The following HECW1 variants were observed in gnomAD, a reference collection of about 807,000 sequenced individuals.
The protein encoded by HECW1 is HECT, C2 and WW domain containing E3 ubiquitin protein ligase 1, also known as E3 ubiquitin-protein ligase HECW1.
A neutral mutation model predicts 182.3 loss-of-function variants in HECW1; 61 were observed. The ratio of observed to expected loss-of-function variants is 0.33; its 90% CI spans 0.27 to 0.41. The LOEUF is 0.41. HECW1 is among the 10% of genes least tolerant of loss of function. The pLI is 1.00. For missense variants in HECW1, 1,739 were observed against 2,108.9 expected, an observed-to-expected ratio of 0.82 and a Z score of 3.44; for synonymous variants, 859 against 832.6, an observed-to-expected ratio of 1.03 and a Z score of -0.55.
At chr7:43,521,383 A>C (rs975586769) in intron 24 of HECW1, among the ~76,000 whole-genome samples, 2 of 152,226 alleles carry the variant, frequency 1.3e-5, no homozygotes, top group African/African-American at 4.8e-5. Context: ...CACTCTGTTG[A>C]GAATCACTGT....
At chr7:43,343,465 G>A (rs1327138366) in intron 5 of HECW1, among the ~76,000 whole-genome samples, 2 of 151,592 alleles carry the variant, frequency 1.3e-5, no homozygotes, top group Non-Finnish European at 2.9e-5. Flanking sequence ...CCTGCCCTGT[G>A]TCCAAGTGTT....
At chr7:43,401,275 A>G (rs1261253469) in intron 7 of HECW1, among the ~76,000 whole-genome samples, 4 of 152,220 alleles carry the variant, frequency 2.6e-5, no homozygotes, top group Non-Finnish European at 5.9e-5. Flanking sequence ...CACTACAGAA[A>G]GGGAATCAGT....
chr7:43,255,713 G>A (rs1800499773), intron 3 of HECW1, among the ~76,000 whole-genome samples: 1 of 152,060 alleles, frequency 6.6e-6, no homozygotes, highest in Non-Finnish European at 1.5e-5. Context: ...TGCAGGAGAT[G>A]ACATGATGAG....
At chr7:43,266,942 A>G (rs560619963) in intron 3 of HECW1, among the ~76,000 whole-genome samples, 14 of 152,338 alleles carry the variant, frequency 9.2e-5, no homozygotes, top group African/African-American at 2.9e-4. Context: ...ATTATTCTGT[A>G]TTGATGAAGT....
At chr7:43,205,312 TGAC>T (rs1795360958) in intron 2 of HECW1, among the ~76,000 whole-genome samples, 1 of 152,180 alleles carries the variant, frequency 6.6e-6, no homozygotes. Flanking sequence ...CTCAAACTCC[TGAC>T]GTCATGATCG....
chr7:43,307,777 C>A (rs1378117519), intron 3 of HECW1, among the ~76,000 whole-genome samples: 2 of 150,780 alleles, frequency 1.3e-5, no homozygotes, highest in Non-Finnish European at 2.9e-5. Flanking sequence ...GACATTTGCT[C>A]AAATGTGCTC....
At chr7:43,509,768 C>T (rs1485320323) in intron 24 of HECW1, 2 of 152,258 alleles carry the variant, frequency 1.3e-5, no homozygotes, top group Non-Finnish European at 2.9e-5. Flanking sequence ...TGCATCACCA[C>T]ATGCCTGATT....
At chr7:43,404,098 G>A (rs1303144002) in intron 7 of HECW1, among the ~76,000 whole-genome samples, 1 of 152,208 alleles carries the variant, frequency 6.6e-6, no homozygotes, top group East Asian at 1.9e-4. Flanking sequence ...TTTACTCAAA[G>A]TTACAAATTT....
intron 2 of HECW1, among the ~76,000 whole-genome samples, chr7:43,176,953 C>A (rs75728591): frequency 0.023 from 3,464 of 152,206 alleles, 60 homozygotes; most frequent in Non-Finnish European, 0.033. Context: ...TTCCTGAGAT[C>A]CCTTAGATTA....
chr7:43,322,349 C>T (rs1033366851), intron 5 of HECW1, among the ~76,000 whole-genome samples: 12 of 152,170 alleles, frequency 7.9e-5, no homozygotes, highest in Admixed American at 2.6e-4. Context: ...CGTGAGCCAC[C>T]GCACCTGGCC....
chr7:43,134,614 T>C (rs1025667719), intron 2 of HECW1, among the ~76,000 whole-genome samples: 12 of 151,848 alleles, frequency 7.9e-5, no homozygotes, highest in African/African-American at 2.9e-4. Context: ...CAAGCAATCC[T>C]CCTGCCTCAG....
chr7:43,493,256 A>G, intron 19 of HECW1, 76 bp downstream of exon 19: 1 of 897,416 alleles, frequency 1.1e-6, no homozygotes, highest in Non-Finnish European at 1.8e-6. Context: ...ACCTCTGTGG[A>G]GACAGAGCGG....
At position 43,562,012 on chromosome 7, in the gene HECW1, T is replaced by C. The variant is rs1299959418; in HGVS notation, c.*86T>C. On this transcript the variant is annotated 3_prime_UTR_variant, in exon 30 of 30. Transcript: ENST00000395891. The stretch of plus-strand genomic sequence containing the variant: ...CCCTTTTCCCTTTCCCTTAATCAAC[T>C]CTCCTTTGATTTTGGTATTCCATGA... 10 of 756,686 alleles carry C rather than the reference T, an allele frequency of 1.3e-5. No individual in the cohort carries two copies. The highest frequency in any genetic ancestry group is 2.3e-6 in the Non-Finnish European group (1 of 441,176). The allele number at this position is 756,686 out of a possible 1,614,324, so 46.9% of individuals were successfully genotyped here.
intron 2 of HECW1, among the ~76,000 whole-genome samples, chr7:43,206,538 T>G (rs982481788): frequency 6.6e-6 from 1 of 152,194 alleles, no homozygotes; most frequent in Non-Finnish European, 1.5e-5. Context: ...GTGGTTAACT[T>G]TCATTTTTTA....
chr7:43,125,894 T>A (rs528637385), intron 2 of HECW1, among the ~76,000 whole-genome samples: 44 of 151,528 alleles, frequency 2.9e-4, no homozygotes, highest in African/African-American at 9.0e-4. Context: ...CCTGGAGAAG[T>A]GAACTCATAA....
rs146450445 is a variant in HECW1, at chr7:43,508,910, ACAGG to A, written c.3867-58_3867-55del. On this transcript the variant is annotated intron_variant, in intron 23 of 29. Transcript: ENST00000395891. ...AGGGCACACTAGAATCTGGGTGCAAACAGGTCCCCCCACCTCCGGGCACAGAATG... is the reference window on the plus strand; with the variant it reads ...AGGGCACACTAGAATCTGGGTGCAAATCCCCCCACCTCCGGGCACAGAATG... The A allele has an allele frequency of 1.4e-3, 2,195 of 1,583,136 alleles. 20 individuals are homozygous for A. The African/African-American group carries it at 0.022, about 16-fold the overall frequency.
chr7:43,421,146 C>T (rs1328241233), intron 8 of HECW1, among the ~76,000 whole-genome samples: 3 of 152,200 alleles, frequency 2.0e-5, no homozygotes, highest in African/African-American at 7.2e-5. Context: ...CACCACATAG[C>T]ATCATCGTTT....
chr7:43,156,128 A>G (rs1789854947), intron 2 of HECW1, among the ~76,000 whole-genome samples: 1 of 152,262 alleles, frequency 6.6e-6, no homozygotes, highest in Non-Finnish European at 1.5e-5. Flanking sequence ...TTTTTTAAAA[A>G]TGACTTTTTA....
intron 3 of HECW1, among the ~76,000 whole-genome samples, chr7:43,253,068 A>C (rs186082889): frequency 3.9e-4 from 59 of 151,402 alleles, no homozygotes; most frequent in African/African-American, 1.3e-3. Flanking sequence ...TTGGACATGG[A>C]TTTTCAGCTG....
Sources: gnomAD v4.1 joint callset for allele counts (sites outside exome capture counted in the v4.1 genomes callset) on GRCh38, gnomAD v4.1.1 for gene constraint, MANE v1.5 for transcripts, NCBI Gene and HGNC (gene_info 2026-07-23, HGNC 2026-07-21) for gene names.